Variants in DDX23 observed in about 807,000 individuals in gnomAD.
DDX23 encodes the protein probable ATP-dependent RNA helicase DDX23.
In DDX23, 33 loss-of-function variants were observed where a neutral mutation model predicts 102.7. That is an observed-to-expected ratio of 0.32 (90% CI 0.24 to 0.43). The LOEUF is 0.43. Among genes scored for constraint, DDX23 ranks in the 20% least tolerant of loss-of-function variants. The pLI is 1.00. For missense variants in DDX23, 549 were observed against 1,086.6 expected, an observed-to-expected ratio of 0.51 and a Z score of 6.96; for synonymous variants, 352 against 376.0, an observed-to-expected ratio of 0.94 and a Z score of 0.74.
intron 3 of DDX23, among the ~76,000 whole-genome samples, chr12:48,842,527 G>A (rs1343610531): frequency 1.8e-4 from 23 of 130,126 alleles, no homozygotes; most frequent in African/African-American, 4.2e-4. Flanking sequence ...CCGGCCAGCC[G>A]CCCCGTCCGG....
At chr12:48,841,570 C>T (rs1490636976) in intron 3 of DDX23, among the ~76,000 whole-genome samples, 1 of 152,240 alleles carries the variant, frequency 6.6e-6, no homozygotes, top group African/African-American at 2.4e-5. Flanking sequence ...GCCTGATTCT[C>T]GTGCCTCAGC....
At chr12:48,845,851 T>C in intron 1 of DDX23, 69 bp from the exon 2 acceptor site, 1 of 1,514,036 alleles carries the variant, frequency 6.6e-7, no homozygotes, top group Non-Finnish European at 9.0e-7. Context: ...TATAATTCAA[T>C]TACCCTCAAA....
chr12:48,831,910 T>G, intron 15 of DDX23, 168 bp downstream of exon 15: 1 of 639,478 alleles, frequency 1.6e-6, no homozygotes, highest in African/African-American at 1.8e-5. Context: ...AGCAATTGAT[T>G]CCATTCTCTT....
chr12:48,844,144 G>A (rs1054373002), intron 2 of DDX23, 94 bp from the exon 3 acceptor site: 1 of 1,144,850 alleles, frequency 8.7e-7, no homozygotes, highest in Non-Finnish European at 1.3e-6. Flanking sequence ...TCGTCCCAAA[G>A]TAATGTTTTA....
At chr12:48,831,425 T>A in intron 15 of DDX23, 109 bp from the exon 16 acceptor site, 1 of 1,029,158 alleles carries the variant, frequency 9.7e-7, no homozygotes, top group Non-Finnish European at 1.5e-6. Flanking sequence ...AGCAGCAGAG[T>A]ACGAGAAAGG....
intron 3 of DDX23, among the ~76,000 whole-genome samples, chr12:48,842,770 C>T (rs1938589600): frequency 6.6e-6 from 1 of 152,328 alleles, no homozygotes; most frequent in South Asian, 2.1e-4. Flanking sequence ...AGCCCCTCTG[C>T]CCGCCCACCA....
rs141688107 is a variant in DDX23 at position 48,841,111 on chromosome 12, C to A, written c.321-1005G>T. ...ATAAGAACTCTGTATACAGGCCAGG[C>A]ACAATGGCTCACGCCTGTAATCCCA... On this transcript the variant is annotated intron_variant, in intron 3 of 16. Coordinates refer to ENST00000308025, the MANE Select transcript of DDX23 (RefSeq NM_004818.3). 2.7e-3 allele frequency among the ~76,000 whole-genome samples: 406 copies of A among 152,238 alleles called. 1 individual carries two copies. The highest frequency in any genetic ancestry group is 9.6e-3 in the African/African-American group (397 of 41,548).
At chr12:48,848,545 C>G (rs1592206018) in intron 1 of DDX23, among the ~76,000 whole-genome samples, 1 of 151,464 alleles carries the variant, frequency 6.6e-6, no homozygotes, top group East Asian at 2.0e-4. Flanking sequence ...TTGTTAGATA[C>G]AAGAAATGTG....
At chr12:48,847,971 C>T (rs969049335) in intron 1 of DDX23, among the ~76,000 whole-genome samples, 1 of 152,082 alleles carries the variant, frequency 6.6e-6, no homozygotes, top group African/African-American at 2.4e-5. Flanking sequence ...TTGTAGGTAA[C>T]GGAGACAAAG....
chr12:48,840,129 C>T, intron 3 of DDX23, 23 bp from the exon 4 acceptor site: 1 of 1,577,342 alleles, frequency 6.3e-7, no homozygotes, highest in Non-Finnish European at 8.7e-7. Flanking sequence ...GGAACAAGGT[C>T]CACATCACTC....
chr12:48,832,792 G>C lies in DDX23; in HGVS notation c.1804-219C>G. The C allele has an allele frequency of 1.6e-6, 1 of 615,000 alleles. No homozygotes were observed. Among genetic ancestry groups the C allele is most frequent in the Non-Finnish European group, 2.7e-6 (1 of 365,518 alleles). 38.1% of individuals were successfully genotyped at this position (615,000 alleles called of 1,614,324 possible). On this transcript the variant is annotated intron_variant, in intron 13 of 16. Coordinates refer to ENST00000308025, the MANE Select transcript of DDX23 (RefSeq NM_004818.3). This position sits in a 1 kb window ranked among gnomAD's most constrained non-coding sequence, Gnocchi z 4.4. ...ATCTTATGATGACAGGAAGGATTGA[G>C]AGCATTTGCTAGCACCTGTGGTCCC...
At chr12:48,846,153 C>T (rs1938663521) in intron 1 of DDX23, among the ~76,000 whole-genome samples, 1 of 151,952 alleles carries the variant, frequency 6.6e-6, no homozygotes, top group Non-Finnish European at 1.5e-5. Context: ...TTTTTATAGA[C>T]AGGGTCTCAC....
intron 1 of DDX23, 102 bp downstream of exon 1, chr12:48,851,982 C>A (rs1420547170): frequency 6.6e-6 from 1 of 152,360 alleles, no homozygotes; most frequent in African/African-American, 2.4e-5. Flanking sequence ...TTCTCTGAGG[C>A]GTTCTTTCCC....
rs1938469992 is a variant in DDX23 at position 48,836,568 on chromosome 12, C to A, written c.1236+1G>T. 1 of 1,612,562 alleles carries A rather than the reference C, an allele frequency of 6.2e-7. No homozygotes were observed. The highest frequency in any genetic ancestry group is 8.5e-7 in the Non-Finnish European group (1 of 1,179,642). ...TCTTGGGCCAATCTATCCCTCCTTA[C>A]CTTGTAGCCACACTTATCAATGACC... On this transcript the variant is annotated splice_donor_variant, in intron 10 of 16. Coordinates refer to ENST00000308025, the MANE Select transcript of DDX23 (RefSeq NM_004818.3). LOFTEE classifies it high-confidence loss of function. The surrounding 1 kb of genome is among the most constrained non-coding windows in gnomAD (Gnocchi z 6.1).
chr12:48,839,999 T>C lies in DDX23; in HGVS notation c.414+14A>G. ...CACGAGTTGAAGATGAAAAATATCCTTCCTCTCCTTTACCTTAGGCTTCTT... is the reference window on the plus strand; with the variant it reads ...CACGAGTTGAAGATGAAAAATATCCCTCCTCTCCTTTACCTTAGGCTTCTT... On this transcript the variant is annotated intron_variant, in intron 4 of 16. Transcript: ENST00000308025. The C allele has an allele frequency of 2.5e-6, 4 of 1,613,118 alleles. No individual in the cohort carries two copies. Among genetic ancestry groups the C allele is most frequent in the Non-Finnish European group, 3.4e-6 (4 of 1,179,088 alleles).
chr12:48,849,711 T>TC (rs1236437268), intron 1 of DDX23, among the ~76,000 whole-genome samples: 3 of 151,144 alleles, frequency 2.0e-5, no homozygotes, highest in African/African-American at 7.3e-5. Flanking sequence ...ACACTTGTAA[T>TC]CCTAGCACTT....
At position 48,832,217 on chromosome 12, in the gene DDX23, T is replaced by C. The variant is rs1938399572; in HGVS notation, c.1956-31A>G. ...AGGAAGAGGAGAAAAACAAGATGCA[T>C]AATACCTCCCACTCCAAGTGAAATG... On this transcript the variant is annotated intron_variant, in intron 14 of 16. Transcript: ENST00000308025. This position sits in a 1 kb window ranked among gnomAD's most constrained non-coding sequence, Gnocchi z 4.4. The C allele has an allele frequency of 6.2e-7, 1 of 1,609,242 alleles. No homozygotes were observed. Among genetic ancestry groups the C allele is most frequent in the South Asian group, 1.1e-5 (1 of 90,986 alleles).
In DDX23 at chr12:48,830,661, T is replaced by C; in HGVS notation, c.2271A>G (p.Arg757=). 6.2e-7 allele frequency: 1 copy of C among 1,613,488 alleles called. No individual in the cohort carries two copies. The highest frequency in any genetic ancestry group is 8.5e-7 in the Non-Finnish European group (1 of 1,179,654). The change falls in exon 17 of 17, where the codon CGA becomes CGG. Residue 757 remains arginine (R), a synonymous_variant. Transcript: ENST00000308025. The surrounding 1 kb of genome is among the most constrained non-coding windows in gnomAD (Gnocchi z 4.9). ...TGATGGCCACCCCACTCTTGCCTGC[T>C]CGTCCCGTGCGGCCAATGCGGTGGA... is the stretch of plus-strand genomic sequence containing the variant. ...DYIHRIGRTG[R]AGKSGVAITF...
In DDX23 at chr12:48,839,795, T is replaced by C. The variant is rs768952967; in HGVS notation, c.480+49A>G. 1.3e-5 allele frequency: 21 copies of C among 1,588,468 alleles called. 1 individual carries two copies. In the Middle Eastern group the frequency reaches 5.2e-4, roughly 40 times the overall value. On this transcript the variant is annotated intron_variant, in intron 5 of 16. Coordinates refer to ENST00000308025, the MANE Select transcript of DDX23 (RefSeq NM_004818.3). ...CGTTGAAGTCACCCAGTCTGTGGTA[T>C]TGTGTTATGGCAGCCTGAGCCGATG...
Sources: gnomAD v4.1 joint callset for allele counts (sites outside exome capture counted in the v4.1 genomes callset) on GRCh38, gnomAD v4.1.1 for gene constraint, Gnocchi (gnomAD v3.1) non-coding constraint, MANE v1.5 for transcripts, NCBI Gene and HGNC (gene_info 2026-07-23, HGNC 2026-07-21) for gene names.